Variants in RALYL observed in about 807,000 individuals in gnomAD.
RALYL encodes RNA-binding Raly-like protein.
RALYL carries 29 observed loss-of-function variants against 35.1 expected under a neutral mutation model. That is an observed-to-expected ratio of 0.83 (90% CI 0.61 to 1.13). RALYL has a LOEUF of 1.13. Ranked by LOEUF, RALYL falls within the 50% of genes most tolerant of loss-of-function variation. The pLI is 0.00. For missense variants in RALYL, 359 were observed against 360.4 expected (o/e 1.00, Z 0.03); for synonymous variants, 120 against 127.6 (o/e 0.94, Z 0.40).
chr8:84,543,098 C>T (rs2060123740), intron 2 of RALYL, among the ~76,000 whole-genome samples: 1 of 152,002 alleles, frequency 6.6e-6, no homozygotes, highest in South Asian at 2.1e-4. Flanking sequence ...TCTTGTACTT[C>T]CTGGAAATTA....
intron 8 of RALYL, among the ~76,000 whole-genome samples, chr8:84,902,789 T>G (rs184321108): frequency 5.4e-4 from 82 of 152,292 alleles, no homozygotes; most frequent in African/African-American, 1.9e-3. Context: ...GAAGTTTTTT[T>G]GGGTTATTGA....
intron 1 of RALYL, among the ~76,000 whole-genome samples, chr8:84,220,755 C>A (rs1822004582): frequency 6.6e-6 from 1 of 151,726 alleles, no homozygotes. Context: ...TTTTTGTAAA[C>A]CACAGACTGG....
At chr8:84,384,670 C>T (rs1053900667) in intron 1 of RALYL, among the ~76,000 whole-genome samples, 5 of 151,700 alleles carry the variant, frequency 3.3e-5, no homozygotes, top group Non-Finnish European at 7.4e-5. Flanking sequence ...ATCCTCCTTT[C>T]CCCTGATTTT....
rs116668991 is a variant in RALYL, at chr8:84,235,447, A to C, written c.-24+51023A>C. ...AGATTGCCAATTATGGCTCCTTGAA[A>C]TATGATAAGAATTTGTATTAAACCA... On this transcript the variant is annotated intron_variant, in intron 1 of 8. Transcript: ENST00000521268. Among the ~76,000 whole-genome samples, 840 of 152,324 alleles carry C rather than the reference A, an allele frequency of 5.5e-3. 10 individuals are homozygous for C. The highest frequency in any genetic ancestry group is 0.019 in the African/African-American group (787 of 41,578).
At chr8:84,825,942 T>C (rs1427822031) in intron 4 of RALYL, among the ~76,000 whole-genome samples, 1 of 151,996 alleles carries the variant, frequency 6.6e-6, no homozygotes, top group Admixed American at 6.6e-5. Flanking sequence ...GAAAACGTGG[T>C]ACACATACAC....
intron 1 of RALYL, among the ~76,000 whole-genome samples, chr8:84,358,687 G>A (rs1428838521): frequency 2.0e-5 from 3 of 152,016 alleles, no homozygotes; most frequent in African/African-American, 7.2e-5. Flanking sequence ...TATGTGAGAA[G>A]AATGGCTTAA....
chr8:84,836,338 C>T (rs910119270), intron 4 of RALYL, among the ~76,000 whole-genome samples: 1 of 152,110 alleles, frequency 6.6e-6, no homozygotes, highest in African/African-American at 2.4e-5. Context: ...TTATTTTAAT[C>T]TTTAGAACTT....
chr8:84,826,153 G>C (rs1050044459), intron 4 of RALYL, among the ~76,000 whole-genome samples: 1 of 151,942 alleles, frequency 6.6e-6, no homozygotes, highest in Admixed American at 6.6e-5. Context: ...AACTACTAGA[G>C]GGGGAAAGGG....
At chr8:84,665,579 CT>C (rs1295796679) in intron 2 of RALYL, among the ~76,000 whole-genome samples, 1 of 151,976 alleles carries the variant, frequency 6.6e-6, no homozygotes, top group Admixed American at 6.6e-5. Context: ...TCTAGATTTT[CT>C]AGTTTATGTG....
Position 84,352,349 on chromosome 8 carries a change from CAA to C in RALYL, c.-24+167926_-24+167927del, listed in dbSNP as rs1015588965. Among the ~76,000 whole-genome samples the C allele has an allele frequency of 1.8e-4, 27 of 150,212 alleles. 2 individuals are homozygous for C. Among genetic ancestry groups the C allele is most frequent in the Admixed American group, 1.6e-3 (25 of 15,162 alleles). On this transcript the variant is annotated intron_variant, in intron 1 of 8. Transcript: ENST00000521268. ...GAAATTAATAATGGAAACTAATAAA[CAA>C]GAGATATGGAAATTAAAAATACTCA...
At chr8:84,379,954 A>G (rs1385822839) in intron 1 of RALYL, among the ~76,000 whole-genome samples, 1 of 151,762 alleles carries the variant, frequency 6.6e-6, no homozygotes, top group African/African-American at 2.4e-5. Flanking sequence ...TAGTTAGACT[A>G]TTATGATGAC....
intron 2 of RALYL, among the ~76,000 whole-genome samples, chr8:84,758,924 G>T (rs1563538298): frequency 1.3e-5 from 2 of 152,312 alleles, no homozygotes; most frequent in Middle Eastern, 3.4e-3. Context: ...AAGTTCTGTA[G>T]ATCAGAAGTC....
intron 1 of RALYL, among the ~76,000 whole-genome samples, chr8:84,188,973 A>G (rs1436629027): frequency 6.6e-6 from 1 of 152,174 alleles, no homozygotes; most frequent in African/African-American, 2.4e-5. Context: ...TGAGTCCTGG[A>G]AAATAGAGGC....
At chr8:84,247,652 A>T (rs991019799) in intron 1 of RALYL, among the ~76,000 whole-genome samples, 1 of 152,098 alleles carries the variant, frequency 6.6e-6, no homozygotes, top group Non-Finnish European at 1.5e-5. Context: ...AGTTTTGGTT[A>T]TTCTAAATTC....
chr8:84,785,296 G>T (rs1018163398), intron 3 of RALYL, among the ~76,000 whole-genome samples: 10 of 152,120 alleles, frequency 6.6e-5, no homozygotes, highest in African/African-American at 1.7e-4. Flanking sequence ...CACTGGACTG[G>T]AAGTCAGGAA....
chr8:84,792,394 ACTT>A (rs1367945440), intron 3 of RALYL, among the ~76,000 whole-genome samples: 2 of 152,064 alleles, frequency 1.3e-5, no homozygotes, highest in Non-Finnish European at 1.5e-5. Context: ...GTGTACGGAC[ACTT>A]CTTCTCTTCT....
chr8:84,606,282 T>C (rs950751642), intron 2 of RALYL, among the ~76,000 whole-genome samples: 3 of 152,108 alleles, frequency 2.0e-5, no homozygotes, highest in Non-Finnish European at 4.4e-5. Context: ...ACTAATTTCT[T>C]CAATCATAGG....
At chr8:84,827,064 T>C (rs1829884348) in intron 4 of RALYL, among the ~76,000 whole-genome samples, 1 of 152,100 alleles carries the variant, frequency 6.6e-6, no homozygotes, top group African/African-American at 2.4e-5. Flanking sequence ...AAAAATCTTC[T>C]TAGAAATTAA....
chr8:84,904,040 G>C lies in RALYL; in HGVS notation c.858+16264G>C, dbSNP rs148613651. Among the ~76,000 whole-genome samples the C allele has an allele frequency of 1.6e-3, 237 of 152,288 alleles. 1 individual carries two copies. The highest frequency in any genetic ancestry group is 5.3e-3 in the African/African-American group (221 of 41,572). On this transcript the variant is annotated intron_variant, in intron 8 of 8. Coordinates refer to ENST00000521268, the MANE Select transcript of RALYL (RefSeq NM_173848.7). Reference sequence around the variant, plus strand: ...TTTGGGGAGAAAGGGTTGCAGGCAGGCCGCTTCATTCTCAAATCGCAGATT... The same window carrying C: ...TTTGGGGAGAAAGGGTTGCAGGCAGCCCGCTTCATTCTCAAATCGCAGATT...
Sources: gnomAD v4.1 joint callset for allele counts (sites outside exome capture counted in the v4.1 genomes callset) on GRCh38, gnomAD v4.1.1 for gene constraint, MANE v1.5 for transcripts, NCBI Gene and HGNC (gene_info 2026-07-23, HGNC 2026-07-21) for gene names.